The following RFC1 variants were observed in gnomAD, a reference collection of about 807,000 sequenced individuals.
RFC1 encodes the protein replication factor C subunit 1.
RFC1 carries 37 observed loss-of-function variants against 137.4 expected under a neutral mutation model. The ratio of observed to expected loss-of-function variants is 0.27; its 90% CI spans 0.21 to 0.35. The LOEUF (loss-of-function observed/expected upper bound fraction) is 0.35. RFC1 is among the 10% of genes least tolerant of loss of function. The probability of loss-of-function intolerance (pLI) is 1.00; values close to 1 mark genes in which losing one functional copy is unlikely to be tolerated. For missense variants in RFC1, 1,205 were observed against 1,358.5 expected, an observed-to-expected ratio of 0.89 and a Z score of 1.78; for synonymous variants, 429 against 455.7, an observed-to-expected ratio of 0.94 and a Z score of 0.75.
At chr4:39,338,744 T>C (rs1293767221) in intron 4 of RFC1, among the ~76,000 whole-genome samples, 1 of 152,226 alleles carries the variant, frequency 6.6e-6, no homozygotes, top group Non-Finnish European at 1.5e-5. Flanking sequence ...TCATCTCACA[T>C]AGTTACTCAT....
At chr4:39,328,068 G>T (rs1739871747) in intron 4 of RFC1, among the ~76,000 whole-genome samples, 1 of 152,178 alleles carries the variant, frequency 6.6e-6, no homozygotes. Flanking sequence ...AGGAGGTTGA[G>T]GCTGCAGTTA....
intron 2 of RFC1, among the ~76,000 whole-genome samples, chr4:39,347,981 A>G (rs1421573186): frequency 6.6e-6 from 1 of 152,218 alleles, no homozygotes; most frequent in African/African-American, 2.4e-5. Flanking sequence ...ATTTCAAAGC[A>G]AAATCTTGAA....
At chr4:39,290,195 G>A (rs1315462721) in intron 23 of RFC1, among the ~76,000 whole-genome samples, 156 bp from the exon 24 acceptor site, 1 of 151,912 alleles carries the variant, frequency 6.6e-6, no homozygotes, top group African/African-American at 2.4e-5. Flanking sequence ...TTTTTCTGTG[G>A]ATAAGTTCCA....
intron 3 of RFC1, among the ~76,000 whole-genome samples, chr4:39,344,413 C>T (rs567997195): frequency 2.6e-5 from 4 of 152,216 alleles, no homozygotes; most frequent in East Asian, 1.9e-4. Flanking sequence ...TTCTAAGGCA[C>T]TATTTTTCAA....
chr4:39,309,916 T>C (rs1385277982), intron 12 of RFC1, among the ~76,000 whole-genome samples: 2 of 152,204 alleles, frequency 1.3e-5, no homozygotes, highest in Non-Finnish European at 2.9e-5. Flanking sequence ...TAAGCATAAG[T>C]ACCTCCTTCT....
rs17287991 is a variant in RFC1 at position 39,342,578 on chromosome 4, T to C, written c.209-111A>G. The C allele has an allele frequency of 3.2e-4, 331 of 1,019,844 alleles. No individual in the cohort carries two copies. In the East Asian group the frequency reaches 7.0e-3, roughly 22 times the overall value. The allele number at this position is 1,019,844 out of a possible 1,614,324, so 63.2% of individuals were successfully genotyped here. ...TCCTCAAGGTCTTTTTCAAGGCACA[T>C]GTCTTCTGTGAATTCTCACAGGTTA... On this transcript the variant is annotated intron_variant, in intron 3 of 24. Coordinates refer to ENST00000349703, the MANE Select transcript of RFC1 (RefSeq NM_002913.5).
chr4:39,323,460 T>C, intron 6 of RFC1, 43 bp from the exon 7 acceptor site: 1 of 1,510,526 alleles, frequency 6.6e-7, no homozygotes, highest in Non-Finnish European at 9.2e-7. Context: ...GCTCTTTTTC[T>C]TTTCGTAAAT....
intron 1 of RFC1, among the ~76,000 whole-genome samples, chr4:39,360,455 G>A (rs1741696597): frequency 6.6e-6 from 1 of 151,880 alleles, no homozygotes; most frequent in South Asian, 2.1e-4. Flanking sequence ...AGTGAGCCAA[G>A]GTCGCGCCAC....
chr4:39,300,027 A>C lies in RFC1; in HGVS notation c.2802T>G (p.Pro934=). Residue 934 remains proline (P), a synonymous_variant, in exon 21 of 25, where the codon CCT becomes CCG. Transcript: ENST00000349703. ...GGGAGAGCCCTCTGCTCACCTGCGC[A>C]GGCAGAAGACTCCAGTTTTGCTTAC... The part of the protein sequence containing the change: ...IRSKQNWSLL[P]AQAIYASVLP... 1 of 1,605,958 alleles carries C rather than the reference A, an allele frequency of 6.2e-7. No individual in the cohort carries two copies. The highest frequency in any genetic ancestry group is 2.2e-5 in the East Asian group (1 of 44,836).
At chr4:39,316,502 T>C (rs1414120234) in intron 10 of RFC1, among the ~76,000 whole-genome samples, 1 of 152,182 alleles carries the variant, frequency 6.6e-6, no homozygotes, top group East Asian at 1.9e-4. Flanking sequence ...TCCATTTAAA[T>C]GTCACATTCT....
At chr4:39,298,338 G>C (rs1473218116) in intron 21 of RFC1, among the ~76,000 whole-genome samples, 2 of 138,170 alleles carry the variant, frequency 1.4e-5, no homozygotes, top group East Asian at 2.1e-4. Flanking sequence ...AAAAAATTCT[G>C]TATCTCCAGA....
chr4:39,332,786 T>G (rs1192400284), intron 4 of RFC1, among the ~76,000 whole-genome samples: 1 of 152,190 alleles, frequency 6.6e-6, no homozygotes, highest in African/African-American at 2.4e-5. Context: ...TAAAACAGTT[T>G]CAAGCCAATC....
chr4:39,352,336 A>G (rs1375355794), intron 1 of RFC1, among the ~76,000 whole-genome samples: 2 of 152,220 alleles, frequency 1.3e-5, no homozygotes, highest in African/African-American at 4.8e-5. Flanking sequence ...TGCTTATTAC[A>G]ATATGCTCTT....
At chr4:39,298,875 T>C (rs554082765) in intron 21 of RFC1, among the ~76,000 whole-genome samples, 1 of 152,280 alleles carries the variant, frequency 6.6e-6, no homozygotes, top group East Asian at 1.9e-4. Context: ...TCCCAGCACT[T>C]TGGAAGGCCA....
intron 6 of RFC1, among the ~76,000 whole-genome samples, chr4:39,324,952 T>C (rs1054210015): frequency 1.3e-5 from 2 of 152,170 alleles, no homozygotes; most frequent in African/African-American, 4.8e-5. Context: ...TGAGCGCTCC[T>C]CCCTGAAATA....
At chr4:39,291,879 TC>T in intron 22 of RFC1, 27 bp from the exon 23 acceptor site, 1 of 1,545,328 alleles carries the variant, frequency 6.5e-7, no homozygotes, top group Non-Finnish European at 8.9e-7. Context: ...AGAGACATAG[TC>T]AACAGCAAAG....
intron 4 of RFC1, among the ~76,000 whole-genome samples, chr4:39,339,892 T>C (rs1211132791): frequency 1.3e-5 from 2 of 152,078 alleles, no homozygotes; most frequent in African/African-American, 4.8e-5. Context: ...AATTACAAAA[T>C]CAACAGAAAG....
intron 2 of RFC1, 152 bp downstream of exon 2, chr4:39,351,196 T>A (rs902723002): frequency 2.3e-5 from 11 of 473,238 alleles, no homozygotes; most frequent in East Asian, 5.9e-5. Context: ...GCTTGCAGTC[T>A]GCCGAGATTG....
chr4:39,357,762 G>A (rs1310478037), intron 1 of RFC1, among the ~76,000 whole-genome samples: 8 of 151,840 alleles, frequency 5.3e-5, no homozygotes, highest in Non-Finnish European at 1.0e-4. Flanking sequence ...GATTACAGGT[G>A]CCCATCACCA....
Sources: allele counts gnomAD v4.1 joint callset (sites outside exome capture counted in the v4.1 genomes callset), GRCh38; gene constraint gnomAD v4.1.1; transcripts MANE v1.5; gene names NCBI Gene and HGNC (gene_info 2026-07-23, HGNC 2026-07-21).